CNTN6: variants seen among roughly 807,000 people sequenced by gnomAD.
CNTN6 encodes the protein contactin 6.
In CNTN6, 137 loss-of-function variants were observed where a neutral mutation model predicts 122.8. That is an observed-to-expected ratio of 1.12 (90% confidence interval 0.97 to 1.29). CNTN6 has a LOEUF of 1.29. CNTN6 is among the 50% of genes most tolerant of loss of function. CNTN6 has a pLI of 0.00. For synonymous variants in CNTN6, 570 were observed against 426.0 expected (o/e 1.34, Z -4.16); for missense variants, 1,634 against 1,223.4 (o/e 1.34, Z -5.01).
chr3:1,309,021 T>G (rs1162115908), intron 7 of CNTN6, among the ~76,000 whole-genome samples: 1 of 152,220 alleles, frequency 6.6e-6, no homozygotes. Context: ...TCTTTGCATA[T>G]TTTGAACATA....
At chr3:1,230,115 T>C (rs183328806) in intron 4 of CNTN6, among the ~76,000 whole-genome samples, 22 of 152,286 alleles carry the variant, frequency 1.4e-4, no homozygotes, top group Admixed American at 1.4e-3. Flanking sequence ...TTAATTATAA[T>C]TCCTCACAAC....
chr3:1,112,211 A>T (rs2091514044), intron 1 of CNTN6, among the ~76,000 whole-genome samples: 1 of 152,222 alleles, frequency 6.6e-6, no homozygotes, highest in Non-Finnish European at 1.5e-5. Flanking sequence ...ACAGCATAGT[A>T]AGAAAGATAG....
intron 1 of CNTN6, among the ~76,000 whole-genome samples, chr3:1,100,856 G>T (rs1195935327): frequency 1.3e-5 from 2 of 151,964 alleles, no homozygotes; most frequent in African/African-American, 4.8e-5. Flanking sequence ...GTTTATTTTA[G>T]ATTGTGATTG....
chr3:1,117,038 A>G (rs1261303625), intron 1 of CNTN6, among the ~76,000 whole-genome samples: 1 of 152,112 alleles, frequency 6.6e-6, no homozygotes, highest in South Asian at 2.1e-4. Flanking sequence ...GAATCAAAGT[A>G]TCACCGTGTC....
chr3:1,335,865 CA>C (rs759061087), intron 11 of CNTN6, among the ~76,000 whole-genome samples: 1 of 151,668 alleles, frequency 6.6e-6, no homozygotes, highest in Non-Finnish European at 1.5e-5. Context: ...CCTGTCTCTG[CA>C]AAAAAATTTT....
intron 11 of CNTN6, among the ~76,000 whole-genome samples, chr3:1,341,932 A>C (rs2126039779): frequency 6.6e-6 from 1 of 152,312 alleles, no homozygotes; most frequent in South Asian, 2.1e-4. Flanking sequence ...TCTAATATCT[A>C]GGTAACCCCT....
intron 2 of CNTN6, among the ~76,000 whole-genome samples, chr3:1,214,370 G>A (rs1222922318): frequency 3.6e-4 from 50 of 137,044 alleles, no homozygotes; most frequent in African/African-American, 1.2e-3. Context: ...GTGCAATGGC[G>A]TAATCTCAGC....
At chr3:1,301,305 T>C (rs1697374119) in intron 7 of CNTN6, among the ~76,000 whole-genome samples, 1 of 152,022 alleles carries the variant, frequency 6.6e-6, no homozygotes, top group Admixed American at 6.6e-5. Context: ...AAAGTGCTGG[T>C]ATTACAAGCG....
intron 12 of CNTN6, among the ~76,000 whole-genome samples, chr3:1,365,582 G>A (rs1042686317): frequency 6.6e-6 from 1 of 151,888 alleles, no homozygotes; most frequent in Non-Finnish European, 1.5e-5. Flanking sequence ...TACGAACACT[G>A]TATGTATCAA....
At chr3:1,236,278 C>G (rs1381306635) in intron 4 of CNTN6, among the ~76,000 whole-genome samples, 1 of 152,144 alleles carries the variant, frequency 6.6e-6, no homozygotes, top group Non-Finnish European at 1.5e-5. Context: ...GGAGGCCAAC[C>G]AACACAAAAC....
chr3:1,325,306 C>G (rs1287014358), intron 8 of CNTN6, among the ~76,000 whole-genome samples: 2 of 151,800 alleles, frequency 1.3e-5, no homozygotes, highest in African/African-American at 2.4e-5. Context: ...AAAAAGAATA[C>G]TGGATTATCT....
intron 12 of CNTN6, among the ~76,000 whole-genome samples, chr3:1,365,960 A>C (rs1424957331): frequency 6.6e-6 from 1 of 152,164 alleles, no homozygotes; most frequent in African/African-American, 2.4e-5. Flanking sequence ...CTTAAATAGA[A>C]ATTTCAGGTT....
chr3:1,278,391 C>T lies in CNTN6; in HGVS notation c.359-22C>T, dbSNP rs752017324. 39 of 1,469,248 alleles carry T rather than the reference C, an allele frequency of 2.7e-5. No individual in the cohort carries two copies. The Admixed American group carries it at 4.0e-4, about 15-fold the overall frequency. 91.0% of individuals were successfully genotyped at this position (1,469,248 alleles called of 1,614,324 possible). ...TTCTGCAAAGTAACTAATTATAAAT[C>T]TGCTTTTCTTTGTTTTCCAAGATAT... On this transcript the variant is annotated intron_variant, in intron 4 of 22. Coordinates refer to ENST00000446702, the MANE Select transcript of CNTN6 (RefSeq NM_001289080.2).
intron 21 of CNTN6, among the ~76,000 whole-genome samples, chr3:1,402,069 T>C (rs1396052868): frequency 6.6e-6 from 1 of 151,748 alleles, no homozygotes; most frequent in African/African-American, 2.4e-5. Context: ...CCAATGATAA[T>C]AGCCTCAAGC....
chr3:1,295,692 C>T lies in CNTN6; in HGVS notation c.546C>T (p.Tyr182=). ...TATCTCAAGAGACGGGAAACTTGTA[C>T]ATTGCCAAAGTGGAACCATCAGATG... ...RFVSQETGNL[Y]IAKVEPSDVG... Residue 182 remains tyrosine (Y), a synonymous_variant, in exon 6 of 23, where the codon TAC becomes TAT. Transcript: ENST00000446702. 1.2e-6 allele frequency: 2 copies of T among 1,614,006 alleles called. No homozygotes were observed. The highest frequency in any genetic ancestry group is 1.7e-6 in the Non-Finnish European group (2 of 1,179,906).
At chr3:1,269,005 A>C (rs1670298179) in intron 4 of CNTN6, among the ~76,000 whole-genome samples, 1 of 152,144 alleles carries the variant, frequency 6.6e-6, no homozygotes, top group African/African-American at 2.4e-5. Context: ...AAATAAAATA[A>C]AAATAAAAAT....
intron 4 of CNTN6, among the ~76,000 whole-genome samples, chr3:1,267,219 C>G (rs779716360): frequency 1.3e-5 from 2 of 152,078 alleles, no homozygotes; most frequent in Non-Finnish European, 2.9e-5. Context: ...TTGCAGCCCT[C>G]TTTTTCCTCT....
intron 4 of CNTN6, among the ~76,000 whole-genome samples, chr3:1,233,117 T>C (rs2094373785): frequency 6.6e-6 from 1 of 152,114 alleles, no homozygotes. Flanking sequence ...TAGGATAATT[T>C]AGAGATATTA....
At chr3:1,161,487 A>C (rs185646933) in intron 2 of CNTN6, among the ~76,000 whole-genome samples, 1 of 151,698 alleles carries the variant, frequency 6.6e-6, no homozygotes, top group East Asian at 1.9e-4. Flanking sequence ...ATTGTGGGCT[A>C]CACATCACAT....
Sources: allele counts gnomAD v4.1 joint callset (sites outside exome capture counted in the v4.1 genomes callset), GRCh38; gene constraint gnomAD v4.1.1; transcripts MANE v1.5; gene names NCBI Gene and HGNC (gene_info 2026-07-23, HGNC 2026-07-21).